The following PCDH9 variants were observed in gnomAD, a reference collection of about 807,000 sequenced individuals.
PCDH9 encodes protocadherin-9.
A neutral mutation model predicts 70.6 loss-of-function variants in PCDH9; 24 were observed. That is an observed-to-expected ratio of 0.34 (90% CI 0.25 to 0.48). The LOEUF (loss-of-function observed/expected upper bound fraction) is 0.48. Ranked by LOEUF, PCDH9 falls within the 20% of genes least tolerant of loss-of-function variation. PCDH9 has a pLI of 0.99. For missense variants in PCDH9, 1,281 were observed against 1,503.6 expected, an observed-to-expected ratio of 0.85 and a Z score of 2.45; for synonymous variants, 562 against 558.5, an observed-to-expected ratio of 1.01 and a Z score of -0.09.
intron 4 of PCDH9, among the ~76,000 whole-genome samples, chr13:66,611,789 T>C (rs1056812881): frequency 1.4e-4 from 22 of 152,202 alleles, no homozygotes; most frequent in Admixed American, 4.6e-4. Flanking sequence ...TTGACTTCAA[T>C]TTTCATAATA....
At chr13:66,774,028 T>G (rs2079852022) in intron 3 of PCDH9, among the ~76,000 whole-genome samples, 1 of 152,154 alleles carries the variant, frequency 6.6e-6, no homozygotes, top group Non-Finnish European at 1.5e-5. Context: ...TCCACCTGCC[T>G]CAGCCTCCCA....
At chr13:66,737,270 A>G (rs1030495791) in intron 3 of PCDH9, among the ~76,000 whole-genome samples, 21 of 152,276 alleles carry the variant, frequency 1.4e-4, no homozygotes, top group African/African-American at 5.1e-4. Context: ...CTGCCATGCC[A>G]TTAGCATGGT....
At chr13:67,109,130 A>C (rs1283318559) in intron 2 of PCDH9, among the ~76,000 whole-genome samples, 1 of 152,174 alleles carries the variant, frequency 6.6e-6, no homozygotes, top group East Asian at 1.9e-4. Context: ...ACAAATTTGA[A>C]ATTTTTAAAG....
chr13:67,220,414 T>C (rs2089699071), intron 2 of PCDH9: 1 of 152,018 alleles, frequency 6.6e-6, no homozygotes, highest in African/African-American at 2.4e-5. Context: ...GATTTTAGAT[T>C]TGAGGCTTTT....
rs530203362 is a variant in PCDH9, at chr13:66,552,682, C to T, written c.3340+78528G>A. ...GATTAAATACTTTGGGGGGAAATCACACATATAAAAATCAACATAATGTGT... is the reference window on the plus strand; with the variant it reads ...GATTAAATACTTTGGGGGGAAATCATACATATAAAAATCAACATAATGTGT... On this transcript the variant is annotated intron_variant, in intron 4 of 4. Transcript: ENST00000377865. Among the ~76,000 whole-genome samples, 6 of 152,138 alleles carry T rather than the reference C, an allele frequency of 3.9e-5. No individual in the cohort carries two copies. The East Asian group carries it at 1.2e-3, about 29-fold the overall frequency.
intron 3 of PCDH9, among the ~76,000 whole-genome samples, chr13:66,836,249 A>G (rs1341540555): frequency 1.3e-5 from 2 of 152,146 alleles, no homozygotes; most frequent in Non-Finnish European, 2.9e-5. Context: ...GATAATCAAA[A>G]TCTGACATGA....
chr13:67,017,950 G>C (rs2084594416), intron 2 of PCDH9, among the ~76,000 whole-genome samples: 1 of 152,142 alleles, frequency 6.6e-6, no homozygotes, highest in Admixed American at 6.5e-5. Flanking sequence ...AAGACCCAGA[G>C]ATATACAACT....
intron 4 of PCDH9, among the ~76,000 whole-genome samples, chr13:66,500,830 A>G (rs1959173309): frequency 6.6e-6 from 1 of 152,132 alleles, no homozygotes; most frequent in Non-Finnish European, 1.5e-5. Flanking sequence ...CTAATATTAT[A>G]ATGCCATCAT....
chr13:67,062,758 C>T (rs1317930735), intron 2 of PCDH9, among the ~76,000 whole-genome samples: 1 of 152,058 alleles, frequency 6.6e-6, no homozygotes, highest in Non-Finnish European at 1.5e-5. Flanking sequence ...TGTCCTAAGA[C>T]AATTGTGGAG....
intron 4 of PCDH9, among the ~76,000 whole-genome samples, chr13:66,623,720 T>C (rs1200997602): frequency 6.6e-6 from 1 of 152,204 alleles, no homozygotes; most frequent in Non-Finnish European, 1.5e-5. Context: ...ATTATAGGCA[T>C]GAGCCACTGC....
chr13:66,621,800 C>A (rs1368810994), intron 4 of PCDH9, among the ~76,000 whole-genome samples: 3 of 152,234 alleles, frequency 2.0e-5, no homozygotes, highest in African/African-American at 7.2e-5. Flanking sequence ...TCCTCACAGC[C>A]CTGGCTCGCT....
intron 4 of PCDH9, among the ~76,000 whole-genome samples, chr13:66,581,724 G>T (rs1040572259): frequency 6.6e-6 from 1 of 152,132 alleles, no homozygotes; most frequent in Non-Finnish European, 1.5e-5. Context: ...AATGAAGTGT[G>T]CCAGGTGCTG....
rs1424486481 is a variant in PCDH9 at position 66,527,017 on chromosome 13, T to C, written c.3340+104193A>G. ...CGAAGTGGCTGTGGGGTTAGAACAG[T>C]AATATTTTGGGGATTTCTATAGTCC... On this transcript the variant is annotated intron_variant, in intron 4 of 4. Coordinates refer to ENST00000377865, the MANE Select transcript of PCDH9 (RefSeq NM_203487.3). Among the ~76,000 whole-genome samples, 5 of 152,174 alleles carry C rather than the reference T, an allele frequency of 3.3e-5. No individual in the cohort carries two copies. The East Asian group carries it at 9.6e-4, about 29-fold the overall frequency.
chr13:67,165,699 T>G (rs2088094285), intron 2 of PCDH9, among the ~76,000 whole-genome samples: 2 of 152,208 alleles, frequency 1.3e-5, no homozygotes, highest in African/African-American at 2.4e-5. Context: ...TTTTGGAACC[T>G]AAGTCAATTT....
chr13:66,529,354 A>C (rs1450897989), intron 4 of PCDH9, among the ~76,000 whole-genome samples: 1 of 152,134 alleles, frequency 6.6e-6, no homozygotes, highest in Non-Finnish European at 1.5e-5. Context: ...TATACCAATA[A>C]TAGTACTAAC....
chr13:66,622,946 G>A (rs1211700284), intron 4 of PCDH9, among the ~76,000 whole-genome samples: 1 of 151,798 alleles, frequency 6.6e-6, no homozygotes, highest in Non-Finnish European at 1.5e-5. Context: ...GACCACGAAC[G>A]CACCGGGAGG....
intron 4 of PCDH9, among the ~76,000 whole-genome samples, chr13:66,529,803 G>A (rs897265349): frequency 6.6e-6 from 1 of 151,200 alleles, no homozygotes; most frequent in Non-Finnish European, 1.5e-5. Context: ...TAAAGCAAAA[G>A]GTTCCTCATA....
intron 2 of PCDH9, among the ~76,000 whole-genome samples, chr13:67,027,037 G>C (rs1021509276): frequency 4.0e-4 from 61 of 152,160 alleles, no homozygotes; most frequent in African/African-American, 8.7e-4. Flanking sequence ...CTACCAATGA[G>C]TTTCTTCACA....
chr13:67,147,210 C>T (rs1376286004), intron 2 of PCDH9, among the ~76,000 whole-genome samples: 1 of 152,136 alleles, frequency 6.6e-6, no homozygotes, highest in East Asian at 1.9e-4. Flanking sequence ...TTATCAGCAG[C>T]TGAAAATAGG....
Sources: gnomAD v4.1 joint callset for allele counts (sites outside exome capture counted in the v4.1 genomes callset) on GRCh38, gnomAD v4.1.1 for gene constraint, MANE v1.5 for transcripts, NCBI Gene and HGNC (gene_info 2026-07-23, HGNC 2026-07-21) for gene names.